Variants in HMCN1 observed in about 807,000 individuals in gnomAD.
HMCN1 encodes hemicentin-1.
Under a neutral mutation model 625.9 loss-of-function variants are expected in HMCN1, and 321 were observed. The ratio of observed to expected loss-of-function variants is 0.51; its 90% confidence interval spans 0.47 to 0.56. The LOEUF (loss-of-function observed/expected upper bound fraction) is 0.56. Ranked by LOEUF, HMCN1 falls within the 20% of genes least tolerant of loss-of-function variation. HMCN1 has a pLI of 0.00. For synonymous variants in HMCN1, 2,425 were observed against 2,417.6 expected (o/e 1.00, Z -0.09); for missense variants, 6,588 against 6,887.3 (o/e 0.96, Z 1.54).
intron 56 of HMCN1, 146 bp from the exon 57 acceptor site, chr1:186,082,718 AG>A (rs754848337): frequency 5.4e-5 from 20 of 369,274 alleles, no homozygotes; most frequent in Non-Finnish European, 9.8e-5. Context: ...ACCTAATAAA[AG>A]CTAGCATCAG....
At chr1:185,765,682 A>G (rs1226200895) in intron 1 of HMCN1, among the ~76,000 whole-genome samples, 1 of 152,166 alleles carries the variant, frequency 6.6e-6, no homozygotes, top group Non-Finnish European at 1.5e-5. Context: ...TTAACTTGAG[A>G]CTTCATTCTT....
chr1:185,937,034 G>A (rs1667844225), intron 11 of HMCN1, among the ~76,000 whole-genome samples: 1 of 152,168 alleles, frequency 6.6e-6, no homozygotes, highest in African/African-American at 2.4e-5. Flanking sequence ...GGAAAATGAA[G>A]CATAGGACTT....
intron 4 of HMCN1, among the ~76,000 whole-genome samples, chr1:185,899,779 G>C (rs1317931307): frequency 2.6e-5 from 4 of 152,014 alleles, no homozygotes; most frequent in Non-Finnish European, 5.9e-5. Flanking sequence ...GTTCTAATTT[G>C]GCACTGTAAG....
At chr1:186,161,995 A>G (rs1381273069) in intron 97 of HMCN1, among the ~76,000 whole-genome samples, 1 of 152,114 alleles carries the variant, frequency 6.6e-6, no homozygotes, top group African/African-American at 2.4e-5. Context: ...GTTCTCCTGG[A>G]TAATATCCTG....
chr1:185,755,913 C>T (rs1171541770), intron 1 of HMCN1, among the ~76,000 whole-genome samples: 2 of 152,074 alleles, frequency 1.3e-5, no homozygotes. Flanking sequence ...CTTGGGGTCT[C>T]ACTATGTTGC....
Position 185,984,232 on chromosome 1 carries a change from C to T in HMCN1, c.2854C>T (p.Leu952Phe), listed in dbSNP as rs1384625224. The T allele has an allele frequency of 6.2e-7, 1 of 1,613,308 alleles. No individual in the cohort carries two copies. Among genetic ancestry groups the T allele is most frequent in the Non-Finnish European group, 8.5e-7 (1 of 1,179,516 alleles). Reference sequence around the variant, plus strand: ...GAGCCTCCATATTGAAAGAGTTCAGCTTCAGGATGGTGGTGAATATACTTG... The same window carrying T: ...GAGCCTCCATATTGAAAGAGTTCAGTTTCAGGATGGTGGTGAATATACTTG... ...DGSLHIERVQ[L>F]QDGGEYTCVA... The change falls in exon 19 of 107, where the codon CTT becomes TTT. Residue 952 changes from leucine (L) to phenylalanine (F), a missense_variant. Leu to Phe is a conservative substitution (Grantham distance 22). Transcript: ENST00000271588.
At chr1:185,997,198 C>A (rs1011446407) in intron 24 of HMCN1, among the ~76,000 whole-genome samples, 1 of 151,986 alleles carries the variant, frequency 6.6e-6, no homozygotes, top group African/African-American at 2.4e-5. Context: ...AATAAGGGAA[C>A]AGAACAGGAT....
At position 186,038,871 on chromosome 1, in the gene HMCN1, C is replaced by T; in HGVS notation, c.5894C>T (p.Thr1965Ile). 1 of 1,604,076 alleles carries T rather than the reference C, an allele frequency of 6.2e-7. No homozygotes were observed. ...GATAATCGTCTACTCTCAGGTTCCA[C>T]CAGCATGACTTTCTTGAACAGAGGA... ...YKDNRLLSGS[T>I]SMTFLNRGQI... Residue 1965 changes from threonine to isoleucine, a missense_variant, in exon 38 of 107, where the codon ACC becomes ATC. Physicochemically the swap from Thr to Ile is moderately conservative, Grantham distance 89. This residue lies in a region of HMCN1 where 4,628 missense variants were observed against 4,853.1 expected (regional missense o/e 0.95). Transcript: ENST00000271588.
At chr1:185,777,191 T>C (rs1274148253) in intron 1 of HMCN1, among the ~76,000 whole-genome samples, 3 of 152,206 alleles carry the variant, frequency 2.0e-5, no homozygotes, top group Admixed American at 1.3e-4. Flanking sequence ...GATAAGGACA[T>C]GGAGAGATGA....
chr1:185,887,888 C>T (rs1408570986), intron 4 of HMCN1, among the ~76,000 whole-genome samples: 3 of 142,396 alleles, frequency 2.1e-5, no homozygotes, highest in African/African-American at 7.9e-5. Flanking sequence ...GCCACACTGA[C>T]TTCCACAATG....
intron 2 of HMCN1, among the ~76,000 whole-genome samples, chr1:185,862,786 T>C (rs924360861): frequency 6.6e-6 from 1 of 152,194 alleles, no homozygotes; most frequent in African/African-American, 2.4e-5. Context: ...GCTGGTATAT[T>C]TTCCAAAGTG....
At chr1:186,048,379 A>C (rs1656718995) in intron 41 of HMCN1, among the ~76,000 whole-genome samples, 3 of 152,254 alleles carry the variant, frequency 2.0e-5, no homozygotes, top group Non-Finnish European at 2.9e-5. Context: ...CTCAAGAATA[A>C]GGCTGTTATT....
At chr1:186,110,716 G>A (rs996496348) in intron 71 of HMCN1, among the ~76,000 whole-genome samples, 27 of 152,092 alleles carry the variant, frequency 1.8e-4, no homozygotes, top group Non-Finnish European at 1.5e-5. Flanking sequence ...TGTTGGATAG[G>A]GGAGGTATGA....
chr1:185,781,636 G>T (rs1284669349), intron 1 of HMCN1, among the ~76,000 whole-genome samples: 2 of 152,220 alleles, frequency 1.3e-5, no homozygotes, highest in Non-Finnish European at 2.9e-5. Flanking sequence ...AGGTTGTTCA[G>T]TTTCCATGTA....
At chr1:185,872,855 G>A (rs1040515353) in intron 4 of HMCN1, among the ~76,000 whole-genome samples, 5 of 152,130 alleles carry the variant, frequency 3.3e-5, no homozygotes, top group Non-Finnish European at 2.9e-5. Flanking sequence ...CCTGTGAAAT[G>A]TAAGTTTCAC....
chr1:185,957,213 C>A (rs1270719322), intron 11 of HMCN1: 2 of 152,112 alleles, frequency 1.3e-5, no homozygotes, highest in African/African-American at 4.8e-5. Flanking sequence ...TATTTTAGAA[C>A]AAAATCTGGT....
At chr1:185,836,252 T>C (rs1334634227) in intron 1 of HMCN1, among the ~76,000 whole-genome samples, 4 of 152,124 alleles carry the variant, frequency 2.6e-5, no homozygotes, top group Non-Finnish European at 4.4e-5. Context: ...GTGAAATTCC[T>C]CTTTTTTTTC....
chr1:186,132,063 A>T (rs1345174581), intron 85 of HMCN1, among the ~76,000 whole-genome samples: 1 of 152,120 alleles, frequency 6.6e-6, no homozygotes, highest in African/African-American at 2.4e-5. Context: ...GTTTCTTACC[A>T]GTTAGTATTC....
chr1:186,181,340 T>A (rs921242880), intron 104 of HMCN1, among the ~76,000 whole-genome samples: 1 of 152,202 alleles, frequency 6.6e-6, no homozygotes, highest in Non-Finnish European at 1.5e-5. Context: ...TACTTTATCC[T>A]TAAAGCAAAT....
Sources: gnomAD v4.1 joint callset for allele counts (sites outside exome capture counted in the v4.1 genomes callset) on GRCh38, gnomAD v4.1.1 for gene constraint, gnomAD v4.1.1 regional missense constraint, MANE v1.5 for transcripts, NCBI Gene and HGNC (gene_info 2026-07-23, HGNC 2026-07-21) for gene names.